Variants in ETS1 observed in about 807,000 individuals in gnomAD.
ETS1 encodes the protein ETS proto-oncogene 1, transcription factor, also known as protein C-ets-1.
Under a neutral mutation model 58.6 loss-of-function variants are expected in ETS1, and 15 were observed. That is an observed-to-expected ratio of 0.26 (90% CI 0.17 to 0.39). The LOEUF is 0.39. Ranked by LOEUF, ETS1 falls within the 10% of genes least tolerant of loss-of-function variation. ETS1 has a pLI of 1.00. For synonymous variants in ETS1, 214 were observed against 218.2 expected (o/e 0.98, Z 0.17); for missense variants, 417 against 610.5 (o/e 0.68, Z 3.34).
chr11:128,469,173 T>C (rs1438130530), intron 8 of ETS1, among the ~76,000 whole-genome samples: 1 of 152,234 alleles, frequency 6.6e-6, no homozygotes, highest in Non-Finnish European at 1.5e-5. Context: ...AATTTGCTAC[T>C]TTAAGAAGCT....
At chr11:128,470,030 A>C (rs751173239) in intron 8 of ETS1, among the ~76,000 whole-genome samples, 7 of 152,260 alleles carry the variant, frequency 4.6e-5, no homozygotes, top group Non-Finnish European at 1.0e-4. Flanking sequence ...CAAACAACAA[A>C]GAACATTCTG....
At chr11:128,569,404 A>G (rs1390594052) in intron 2 of ETS1, among the ~76,000 whole-genome samples, 1 of 133,116 alleles carries the variant, frequency 7.5e-6, no homozygotes, top group Non-Finnish European at 1.5e-5. Context: ...GGATTATTGG[A>G]TTAAGCACCA....
chr11:128,510,740 T>TC (rs1364683589), intron 3 of ETS1, among the ~76,000 whole-genome samples: 1 of 152,108 alleles, frequency 6.6e-6, no homozygotes, highest in Admixed American at 6.5e-5. Context: ...TACCTCCCCT[T>TC]CCCTAGTAAT....
At chr11:128,470,354 G>T (rs187715272) in intron 8 of ETS1, among the ~76,000 whole-genome samples, 6 of 152,334 alleles carry the variant, frequency 3.9e-5, no homozygotes, top group Non-Finnish European at 7.3e-5. Flanking sequence ...CCCGGGTAGG[G>T]AGTTGAGGGT....
intron 8 of ETS1, among the ~76,000 whole-genome samples, chr11:128,472,495 G>A (rs1374325874): frequency 1.3e-5 from 2 of 152,224 alleles, no homozygotes; most frequent in African/African-American, 4.8e-5. Flanking sequence ...TGGAAAAGCT[G>A]TGCTGGTCTC....
At chr11:128,564,344 C>T (rs866427029) in intron 2 of ETS1, among the ~76,000 whole-genome samples, 45 of 152,270 alleles carry the variant, frequency 3.0e-4, no homozygotes, top group African/African-American at 9.4e-4. Flanking sequence ...GAGTAATGGG[C>T]TTGGGCCTTG....
At chr11:128,506,092 C>T (rs1466578979) in intron 3 of ETS1, among the ~76,000 whole-genome samples, 1 of 152,188 alleles carries the variant, frequency 6.6e-6, no homozygotes, top group Non-Finnish European at 1.5e-5. Flanking sequence ...ACGAGCCCTT[C>T]TCCTCACATC....
intron 7 of ETS1, among the ~76,000 whole-genome samples, chr11:128,482,665 G>A (rs1862518820): frequency 6.6e-6 from 1 of 152,112 alleles, no homozygotes; most frequent in Admixed American, 6.5e-5. Flanking sequence ...CCTGGTGCTG[G>A]GAACCTTCAT....
intron 3 of ETS1, among the ~76,000 whole-genome samples, chr11:128,507,801 A>C (rs1476192059): frequency 6.6e-6 from 1 of 152,190 alleles, no homozygotes; most frequent in African/African-American, 2.4e-5. Flanking sequence ...TCAGGAAATG[A>C]CGCCTGGGAG....
chr11:128,481,045 T>C (rs1269876708), intron 7 of ETS1, among the ~76,000 whole-genome samples: 5 of 152,236 alleles, frequency 3.3e-5, no homozygotes, highest in East Asian at 1.9e-4. Context: ...ATGAAATACA[T>C]GTACTGACCC....
intron 5 of ETS1, among the ~76,000 whole-genome samples, chr11:128,487,814 A>G (rs1862677923): frequency 6.6e-6 from 1 of 152,184 alleles, no homozygotes; most frequent in South Asian, 2.1e-4. Flanking sequence ...GATGAGTGAT[A>G]CTGAAGAAAT....
At chr11:128,532,634 C>T (rs1455812276) in intron 3 of ETS1, among the ~76,000 whole-genome samples, 1 of 151,842 alleles carries the variant, frequency 6.6e-6, no homozygotes, top group Non-Finnish European at 1.5e-5. Context: ...CCAAAATGTA[C>T]ATGGCTGAGT....
intron 3 of ETS1, among the ~76,000 whole-genome samples, chr11:128,518,948 G>A (rs1011913112): frequency 1.3e-5 from 2 of 152,350 alleles, no homozygotes. Context: ...CAAGAAGGTA[G>A]AGCAGAGTGT....
intron 2 of ETS1, chr11:128,572,439 A>G (rs980331909): frequency 1.3e-5 from 2 of 152,250 alleles, no homozygotes; most frequent in Admixed American, 1.3e-4. Flanking sequence ...GGAACTGATC[A>G]ATATCAACAT....
chr11:128,462,281 A>G lies in ETS1; in HGVS notation c.*80T>C, dbSNP rs1224791941. 1.8e-6 allele frequency: 2 copies of G among 1,119,188 alleles called. No homozygotes were observed. Among genetic ancestry groups the G allele is most frequent in the Admixed American group, 2.2e-5 (1 of 44,758 alleles). 69.3% of individuals were successfully genotyped at this position (1,119,188 alleles called of 1,614,324 possible). On this transcript the variant is annotated 3_prime_UTR_variant, in exon 10 of 10. Transcript: ENST00000392668. ...GTTCTGGAAAATAAAAAATAGAATA[A>G]CAATTCAAAATTCAGAGTCCAACCA...
At chr11:128,530,972 T>C (rs567106198) in intron 3 of ETS1, among the ~76,000 whole-genome samples, 1 of 152,276 alleles carries the variant, frequency 6.6e-6, no homozygotes, top group East Asian at 1.9e-4. Context: ...CTAATTGAAT[T>C]GAATTGAATT....
At chr11:128,576,576 C>A (rs975844884) in intron 1 of ETS1, among the ~76,000 whole-genome samples, 1 of 152,072 alleles carries the variant, frequency 6.6e-6, no homozygotes, top group Non-Finnish European at 1.5e-5. Flanking sequence ...GAGGGTCTTG[C>A]AGAGCTGAGT....
chr11:128,518,329 TAACA>T (rs1863578044), intron 3 of ETS1, among the ~76,000 whole-genome samples: 1 of 152,214 alleles, frequency 6.6e-6, no homozygotes, highest in South Asian at 2.1e-4. Flanking sequence ...CCTTATCTTC[TAACA>T]AACATTCAAG....
intron 2 of ETS1, among the ~76,000 whole-genome samples, chr11:128,563,027 G>A (rs1864429203): frequency 6.6e-6 from 1 of 151,944 alleles, no homozygotes; most frequent in Non-Finnish European, 1.5e-5. Flanking sequence ...AACATGAGGA[G>A]TCTGTGTCTG....
Sources: gnomAD v4.1 joint callset for allele counts (sites outside exome capture counted in the v4.1 genomes callset) on GRCh38, gnomAD v4.1.1 for gene constraint, MANE v1.5 for transcripts, NCBI Gene and HGNC (gene_info 2026-07-23, HGNC 2026-07-21) for gene names.